Variants in WSB2 observed in about 807,000 individuals in gnomAD.
WSB2 encodes the protein WD repeat and SOCS box-containing protein 2.
Under a neutral mutation model 48.8 loss-of-function variants are expected in WSB2, and 12 were observed. That is an observed-to-expected ratio of 0.25 (90% confidence interval 0.16 to 0.40). WSB2 has a LOEUF of 0.40. Among genes scored for constraint, WSB2 ranks in the 10% least tolerant of loss-of-function variants. The pLI is 1.00. For synonymous variants in WSB2, 191 were observed against 203.1 expected, an observed-to-expected ratio of 0.94 and a Z score of 0.51; for missense variants, 317 against 506.2, an observed-to-expected ratio of 0.63 and a Z score of 3.59.
At chr12:118,059,205 A>C (rs543269476) in intron 1 of WSB2, among the ~76,000 whole-genome samples, 2 of 139,954 alleles carry the variant, frequency 1.4e-5, no homozygotes, top group African/African-American at 5.9e-5. Context: ...CACTTAGCAC[A>C]AAAAAAAATC....
At chr12:118,055,417 AG>A (rs2031937248) in intron 1 of WSB2, among the ~76,000 whole-genome samples, 1 of 152,190 alleles carries the variant, frequency 6.6e-6, no homozygotes, top group South Asian at 2.1e-4. Flanking sequence ...TGACTGATCT[AG>A]AGAAACATTT....
intron 2 of WSB2, among the ~76,000 whole-genome samples, chr12:118,050,912 C>T (rs1398834847): frequency 1.3e-5 from 2 of 151,648 alleles, no homozygotes; most frequent in African/African-American, 2.4e-5. Flanking sequence ...ATTATCTAGG[C>T]GTGGTGGTAT....
chr12:118,059,982 A>C (rs1439747068), intron 1 of WSB2, among the ~76,000 whole-genome samples: 1 of 152,214 alleles, frequency 6.6e-6, no homozygotes, highest in Non-Finnish European at 1.5e-5. Context: ...GACCAGGATG[A>C]AGCTTGAACT....
chr12:118,038,326 C>A lies in WSB2; in HGVS notation c.622G>T (p.Asp208Tyr). 1 of 1,614,190 alleles carries A rather than the reference C, an allele frequency of 6.2e-7. No homozygotes were observed. The highest frequency in any genetic ancestry group is 8.5e-7 in the Non-Finnish European group (1 of 1,180,030). Residue 208 changes from aspartate (D) to tyrosine (Y), a missense_variant, in exon 5 of 9, where the codon GAC becomes TAC. By Grantham distance (160) the Asp-to-Tyr change is radical (BLOSUM62 -3). Around this residue, in one of 2 missense-constraint regions of WSB2, gnomAD observed 189 missense variants for 349.6 expected, o/e 0.54. Transcript: ENST00000315436. ...QWVYCCSISP[D>Y]CSMLCSAAGE... ...GCTGCAGAGCACAGCATGCTGCAGT[C>A]TGGGGAGATGGAACAGCAGTAAACC...
chr12:118,057,116 C>T (rs1282776874), intron 1 of WSB2, among the ~76,000 whole-genome samples: 2 of 152,236 alleles, frequency 1.3e-5, no homozygotes, highest in East Asian at 3.9e-4. Flanking sequence ...TGGGCCCAAA[C>T]TAAACTTGGC....
intron 5 of WSB2, among the ~76,000 whole-genome samples, chr12:118,036,915 C>T (rs1039077116): frequency 5.9e-5 from 9 of 152,210 alleles, no homozygotes; most frequent in African/African-American, 2.2e-4. Flanking sequence ...GGCACGATGG[C>T]TCATGCCTGT....
intron 5 of WSB2, among the ~76,000 whole-genome samples, 183 bp from the exon 6 acceptor site, chr12:118,036,693 C>A (rs1158710878): frequency 1.3e-5 from 2 of 152,166 alleles, no homozygotes; most frequent in East Asian, 3.9e-4. Context: ...GGTCTGGATT[C>A]TTGAGGATTT....
At chr12:118,045,005 C>T (rs2031716407) in intron 2 of WSB2, among the ~76,000 whole-genome samples, 1 of 152,160 alleles carries the variant, frequency 6.6e-6, no homozygotes, top group Admixed American at 6.5e-5. Context: ...TACTTTTGCA[C>T]CAACCCAATA....
At chr12:118,038,516 G>A (rs1421519334) in intron 4 of WSB2, 128 bp from the exon 5 acceptor site, 1 of 737,714 alleles carries the variant, frequency 1.4e-6, no homozygotes, top group Non-Finnish European at 2.2e-6. Flanking sequence ...CTGGGCCCAA[G>A]GGTCCAATTT....
intron 1 of WSB2, among the ~76,000 whole-genome samples, chr12:118,054,216 C>CAAAAATA (rs2031909073): frequency 8.7e-6 from 1 of 114,680 alleles, no homozygotes; most frequent in African/African-American, 3.4e-5. Context: ...TACTAAAAAT[C>CAAAAATA]CAAAAAAAAA....
In WSB2 at chr12:118,053,144, C is replaced by G. The variant is rs555844276; in HGVS notation, c.14-666G>C. Among the ~76,000 whole-genome samples, 23 of 152,282 alleles carry G rather than the reference C, an allele frequency of 1.5e-4. No homozygotes were observed. The South Asian group carries it at 4.8e-3, about 32-fold the overall frequency. On this transcript the variant is annotated intron_variant, in intron 1 of 8. Coordinates refer to ENST00000315436, the MANE Select transcript of WSB2 (RefSeq NM_018639.5). ...GAAATACCCACACATCACATCATTT[C>G]TTTCAAATACATTAGAAAGCTCCCG...
At chr12:118,053,061 G>A (rs571923441) in intron 1 of WSB2, among the ~76,000 whole-genome samples, 30 of 152,222 alleles carry the variant, frequency 2.0e-4, no homozygotes, top group African/African-American at 7.2e-4. Context: ...ATCTCACCCA[G>A]ATCTTTTGCT....
chr12:118,042,898 T>C lies in WSB2; in HGVS notation c.502A>G (p.Ile168Val). Residue 168 changes from isoleucine to valine, a missense_variant, in exon 4 of 9, where the codon ATT becomes GTT. Physicochemically the swap from Ile to Val is conservative, Grantham distance 29. This residue lies in a region of WSB2 where 189 missense variants were observed against 349.6 expected (regional missense o/e 0.54). Coordinates refer to ENST00000315436, the MANE Select transcript of WSB2 (RefSeq NM_018639.5). ...DLSFTPSGSL[I>V]LVSASRDKTL... Reference sequence around the variant, plus strand: ...TTATCCCGTGACGCGGAGACCAAAATCAAACTGCCACTGGGTGTGAAGCTC... The same window carrying C: ...TTATCCCGTGACGCGGAGACCAAAACCAAACTGCCACTGGGTGTGAAGCTC... The C allele has an allele frequency of 6.2e-7, 1 of 1,614,114 alleles. No homozygotes were observed. Among genetic ancestry groups the C allele is most frequent in the Non-Finnish European group, 8.5e-7 (1 of 1,180,024 alleles).
At chr12:118,039,362 A>G (rs1002236049) in intron 4 of WSB2, among the ~76,000 whole-genome samples, 3 of 152,224 alleles carry the variant, frequency 2.0e-5, no homozygotes, top group Non-Finnish European at 2.9e-5. Context: ...CCATTAATGC[A>G]GTTGGAATTA....
chr12:118,047,308 G>C (rs2031764205), intron 2 of WSB2, among the ~76,000 whole-genome samples: 2 of 152,138 alleles, frequency 1.3e-5, no homozygotes, highest in African/African-American at 4.8e-5. Flanking sequence ...GTTTGCTAAT[G>C]AATCAAGGGA....
Position 118,035,186 on chromosome 12 carries a change from G to A in WSB2, c.944+28C>T, listed in dbSNP as rs567767645. ...ATTACTTGCAAGCACTTGTTCTGAG[G>A]CCATGTAAAGAGAGTTCTCTTCGTT... On this transcript the variant is annotated intron_variant, in intron 7 of 8. Transcript: ENST00000315436. 9.9e-6 allele frequency: 16 copies of A among 1,613,302 alleles called. No homozygotes were observed. The Admixed American group carries it at 1.5e-4, about 15-fold the overall frequency.
intron 8 of WSB2, 179 bp downstream of exon 8, chr12:118,034,807 T>C: frequency 1.6e-6 from 1 of 616,422 alleles, no homozygotes; most frequent in East Asian, 2.8e-5. Flanking sequence ...AGGTTAAATA[T>C]TCAGAGAAAA....
chr12:118,036,235 G>T, intron 6 of WSB2, 103 bp downstream of exon 6: 3 of 1,357,438 alleles, frequency 2.2e-6, no homozygotes, highest in African/African-American at 1.5e-5. Flanking sequence ...TATCCAGCTT[G>T]TCCCCTCCCA....
chr12:118,043,938 G>C (rs1376373558), intron 2 of WSB2, among the ~76,000 whole-genome samples: 1 of 151,786 alleles, frequency 6.6e-6, no homozygotes, highest in East Asian at 1.9e-4. Flanking sequence ...CCAACATGGT[G>C]AAACCCCATC....
Sources: allele counts gnomAD v4.1 joint callset (sites outside exome capture counted in the v4.1 genomes callset), GRCh38; gene constraint gnomAD v4.1.1; regional missense constraint gnomAD v4.1.1; transcripts MANE v1.5; gene names NCBI Gene and HGNC (gene_info 2026-07-23, HGNC 2026-07-21).